The following SBF2 variants were observed in gnomAD, a reference collection of about 807,000 sequenced individuals.
The protein encoded by SBF2 is SET binding factor 2.
SBF2 carries 112 observed loss-of-function variants against 225.2 expected under a neutral mutation model. That is an observed-to-expected ratio of 0.50 (90% confidence interval 0.43 to 0.58). The LOEUF (loss-of-function observed/expected upper bound fraction) is 0.58, where lower values mean the gene tolerates loss of function less well. Ranked by LOEUF, SBF2 falls within the 20% of genes least tolerant of loss-of-function variation. The pLI is 0.00. For missense variants in SBF2, 1,996 were observed against 2,206.2 expected, an observed-to-expected ratio of 0.90 and a Z score of 1.91; for synonymous variants, 763 against 773.3, an observed-to-expected ratio of 0.99 and a Z score of 0.22.
intron 16 of SBF2, among the ~76,000 whole-genome samples, chr11:9,929,649 T>C (rs2134252884): frequency 6.6e-6 from 1 of 152,280 alleles, no homozygotes; most frequent in African/African-American, 2.4e-5. Context: ...ACAATGCATG[T>C]CACACAACCA....
intron 2 of SBF2, among the ~76,000 whole-genome samples, chr11:10,136,541 T>C (rs186876735): frequency 5.9e-5 from 9 of 152,264 alleles, no homozygotes; most frequent in Non-Finnish European, 1.0e-4. Flanking sequence ...ACTGCAGGGC[T>C]TGGAGAACAA....
chr11:10,190,452 A>G (rs985862108), intron 2 of SBF2, among the ~76,000 whole-genome samples: 5 of 152,172 alleles, frequency 3.3e-5, no homozygotes, highest in Non-Finnish European at 7.4e-5. Context: ...TTACTTTCAT[A>G]TTTTTATTTT....
Position 10,001,013 on chromosome 11 carries a change from A to G in SBF2, c.762T>C (p.Tyr254=). 6.4e-7 allele frequency: 1 copy of G among 1,558,502 alleles called. No individual in the cohort carries two copies. The highest frequency in any genetic ancestry group is 8.9e-7 in the Non-Finnish European group (1 of 1,129,478). The change falls in exon 8 of 40, where the codon TAT becomes TAC. Residue 254 remains tyrosine, a synonymous_variant. Transcript: ENST00000256190. Reference sequence around the variant, plus strand: ...GTAGCTGAGCCGGGAGAATAGGGATATAAGGATAACTGGAAATAATAAAAA... The same window carrying G: ...GTAGCTGAGCCGGGAGAATAGGGATGTAAGGATAACTGGAAATAATAAAAA... ...LMFPLKYSYP[Y]IPILPAQLLE...
intron 16 of SBF2, among the ~76,000 whole-genome samples, chr11:9,913,261 C>A (rs951782733): frequency 6.6e-6 from 1 of 151,940 alleles, no homozygotes; most frequent in East Asian, 1.9e-4. Context: ...GGCGACAGGG[C>A]GAGACTCTGT....
chr11:9,851,976 T>A lies in SBF2; in HGVS notation c.2610+700A>T, dbSNP rs550663365. ...TTTGTAGAGATGGGGTTTCATCATG[T>A]TGCCCAGGCGCTGGTCTCAAACTCC... On this transcript the variant is annotated intron_variant, in intron 21 of 39. Coordinates refer to ENST00000256190, the MANE Select transcript of SBF2 (RefSeq NM_030962.4). 1.2e-3 allele frequency among the ~76,000 whole-genome samples: 179 copies of A among 152,324 alleles called. 1 individual carries two copies. Among genetic ancestry groups the A allele is most frequent in the South Asian group, 1.7e-3 (8 of 4,822 alleles).
At chr11:10,243,082 T>C (rs1374709584) in intron 1 of SBF2, among the ~76,000 whole-genome samples, 1 of 152,044 alleles carries the variant, frequency 6.6e-6, no homozygotes, top group Non-Finnish European at 1.5e-5. Context: ...ACATGCTAGG[T>C]CAGAAAACAA....
At chr11:9,857,079 G>A (rs1857381453) in intron 18 of SBF2, among the ~76,000 whole-genome samples, 1 of 152,162 alleles carries the variant, frequency 6.6e-6, no homozygotes, top group Non-Finnish European at 1.5e-5. Flanking sequence ...GAGCAACCGC[G>A]CCCGGCCTAA....
chr11:9,842,657 C>T lies in SBF2; in HGVS notation c.3224G>A (p.Arg1075His), dbSNP rs568303179. 1.7e-5 allele frequency: 28 copies of T among 1,614,060 alleles called. No homozygotes were observed. The highest frequency in any genetic ancestry group is 2.3e-5 in the Non-Finnish European group (27 of 1,179,976). The change falls in exon 25 of 40, where the codon CGT (arginine) becomes CAT (histidine). Residue 1075 changes from arginine (R) to histidine (H), a missense_variant. Transcript: ENST00000256190. ...ATCATCATCTTCATTCCATCCAGGA[C>T]GATTTACTCTTTCTTCCACAATTGT... is the stretch of plus-strand genomic sequence containing the variant. ...TGTIVEERVN[R>H]PGWNEDDDVS...
intron 1 of SBF2, among the ~76,000 whole-genome samples, chr11:10,268,070 C>G (rs908687849): frequency 2.0e-5 from 3 of 152,158 alleles, no homozygotes; most frequent in African/African-American, 7.2e-5. Flanking sequence ...GTATATGAAG[C>G]ATTTATAAAA....
At chr11:9,811,576 C>T (rs1027166722) in intron 30 of SBF2, among the ~76,000 whole-genome samples, 3 of 152,122 alleles carry the variant, frequency 2.0e-5, no homozygotes, top group Admixed American at 6.5e-5. Context: ...GTTCCTTCCA[C>T]GGGTATGCAA....
At chr11:9,952,081 G>A (rs758750023) in intron 16 of SBF2, among the ~76,000 whole-genome samples, 3 of 152,212 alleles carry the variant, frequency 2.0e-5, no homozygotes, top group Non-Finnish European at 2.9e-5. Context: ...TCTCTTGCCT[G>A]GAAGGCAGGC....
chr11:9,930,626 T>A (rs528009546), intron 16 of SBF2, among the ~76,000 whole-genome samples: 2 of 152,152 alleles, frequency 1.3e-5, no homozygotes, highest in Non-Finnish European at 2.9e-5. Flanking sequence ...CTTGGGGAGA[T>A]CCGTTTCAAG....
intron 2 of SBF2, among the ~76,000 whole-genome samples, chr11:10,159,971 C>T (rs1955660210): frequency 6.6e-6 from 1 of 152,080 alleles, no homozygotes; most frequent in African/African-American, 2.4e-5. Context: ...GCACACCTGG[C>T]TGTGTGTGAA....
At chr11:10,011,902 A>G (rs1208238026) in intron 6 of SBF2, among the ~76,000 whole-genome samples, 2 of 152,142 alleles carry the variant, frequency 1.3e-5, no homozygotes. Flanking sequence ...AAATTTTGCT[A>G]AGTTTTTGAG....
intron 28 of SBF2, among the ~76,000 whole-genome samples, chr11:9,823,344 C>T (rs1483698917): frequency 6.6e-6 from 1 of 151,938 alleles, no homozygotes; most frequent in Non-Finnish European, 1.5e-5. Context: ...AGGTGAAGGT[C>T]AATTTTAACC....
rs540603880 is a variant in SBF2 at position 10,167,073 on chromosome 11, T to C, written c.141+26829A>G. On this transcript the variant is annotated intron_variant, in intron 2 of 39. Coordinates refer to ENST00000256190, the MANE Select transcript of SBF2 (RefSeq NM_030962.4). ...AGTTTAGAAATACACAGGATTTTTA[T>C]ACTTGTACTTAATGATAAGCTGCAA... is the stretch of plus-strand genomic sequence containing the variant. Among the ~76,000 whole-genome samples the C allele has an allele frequency of 5.3e-5, 8 of 152,298 alleles. No individual in the cohort carries two copies. In the South Asian group the frequency reaches 1.7e-3, roughly 32 times the overall value.
chr11:9,998,985 T>A (rs1947827771), intron 8 of SBF2, among the ~76,000 whole-genome samples: 1 of 152,192 alleles, frequency 6.6e-6, no homozygotes, highest in African/African-American at 2.4e-5. Flanking sequence ...TCTAAAAAAA[T>A]TAGTATTTAT....
intron 16 of SBF2, among the ~76,000 whole-genome samples, chr11:9,922,913 T>G (rs1042924379): frequency 1.3e-5 from 2 of 152,230 alleles, no homozygotes; most frequent in Non-Finnish European, 2.9e-5. Context: ...GGAGGTTGCC[T>G]CGAGAGACAA....
chr11:10,059,998 C>G (rs75855625), intron 2 of SBF2, among the ~76,000 whole-genome samples: 5 of 151,920 alleles, frequency 3.3e-5, no homozygotes, highest in Non-Finnish European at 7.4e-5. Context: ...AAATCAACCC[C>G]AAAGCTAGCA....
Sources: gnomAD v4.1 joint callset for allele counts (sites outside exome capture counted in the v4.1 genomes callset) on GRCh38, gnomAD v4.1.1 for gene constraint, MANE v1.5 for transcripts, NCBI Gene and HGNC (gene_info 2026-07-23, HGNC 2026-07-21) for gene names.